The following CFAP53 variants were observed in gnomAD, a reference collection of about 807,000 sequenced individuals.
CFAP53 encodes the protein cilia- and flagella-associated protein 53.
A neutral mutation model predicts 59.7 loss-of-function variants in CFAP53; 62 were observed. That is an observed-to-expected ratio of 1.04 (90% CI 0.85 to 1.28). CFAP53 has a LOEUF of 1.28. CFAP53 is among the 50% of genes most tolerant of loss of function. CFAP53 has a pLI of 0.00. For missense variants in CFAP53, 629 were observed against 615.6 expected, an observed-to-expected ratio of 1.02 and a Z score of -0.23; for synonymous variants, 218 against 205.7, an observed-to-expected ratio of 1.06 and a Z score of -0.51.
chr18:50,265,593 G>A (rs1378817014), intron 1 of CFAP53, among the ~76,000 whole-genome samples: 5 of 152,160 alleles, frequency 3.3e-5, no homozygotes, highest in Non-Finnish European at 5.9e-5. Flanking sequence ...ACAATACTGC[G>A]CACACAGCAG....
chr18:50,227,263 T>C lies in CFAP53; in HGVS notation c.*118A>G, dbSNP rs1457072266. 1 of 764,244 alleles carries C rather than the reference T, an allele frequency of 1.3e-6. No homozygotes were observed. The highest frequency in any genetic ancestry group is 2.1e-6 in the Non-Finnish European group (1 of 479,398). The allele number at this position is 764,244 out of a possible 1,614,324, so 47.3% of individuals were successfully genotyped here. On this transcript the variant is annotated 3_prime_UTR_variant, in exon 8 of 8. Coordinates refer to ENST00000398545, the MANE Select transcript of CFAP53 (RefSeq NM_145020.5). ...TCAAAGGAAGAAAATTATGTTCAATTAATTACACAAACTCAGGGAAAAAAG... is the reference window on the plus strand; with the variant it reads ...TCAAAGGAAGAAAATTATGTTCAATCAATTACACAAACTCAGGGAAAAAAG...
intron 7 of CFAP53, among the ~76,000 whole-genome samples, chr18:50,235,101 A>G (rs2033619958): frequency 6.6e-6 from 1 of 152,154 alleles, no homozygotes; most frequent in African/African-American, 2.4e-5. Flanking sequence ...TTGCTCTTAC[A>G]TCAATACCTC....
chr18:50,245,354 A>G (rs2033733773), intron 5 of CFAP53, among the ~76,000 whole-genome samples: 1 of 144,360 alleles, frequency 6.9e-6, no homozygotes, highest in Non-Finnish European at 1.5e-5. Context: ...TGCAGTCCGC[A>G]GTCCGGCCTG....
At chr18:50,231,470 C>G (rs975378961) in intron 7 of CFAP53, among the ~76,000 whole-genome samples, 1 of 152,198 alleles carries the variant, frequency 6.6e-6, no homozygotes, top group African/African-American at 2.4e-5. Flanking sequence ...CAGTATCTAC[C>G]CAGAGAGACA....
At position 50,262,007 on chromosome 18, in the gene CFAP53, A is replaced by G; in HGVS notation, c.282T>C (p.Ile94=). The G allele has an allele frequency of 1.2e-6, 2 of 1,607,572 alleles. No individual in the cohort carries two copies. The highest frequency in any genetic ancestry group is 1.7e-6 in the Non-Finnish European group (2 of 1,174,264). The change falls in exon 2 of 8, where the codon ATT becomes ATC. Residue 94 remains isoleucine (I), a synonymous_variant. Transcript: ENST00000398545. ...KDAVQGFIIN[I]EERRNKLREL... The stretch of plus-strand genomic sequence containing the variant: ...AGCCTTACTTATTTCGTCTTTCTTC[A>G]ATGTTAATGATAAACCCTTGCACAG...
chr18:50,231,332 C>A (rs1599112161), intron 7 of CFAP53, among the ~76,000 whole-genome samples: 1 of 152,194 alleles, frequency 6.6e-6, no homozygotes, highest in East Asian at 1.9e-4. Flanking sequence ...AATTCTTTTA[C>A]CCCTGCACCA....
chr18:50,247,252 G>A (rs1054485637), intron 5 of CFAP53, among the ~76,000 whole-genome samples: 6 of 152,072 alleles, frequency 3.9e-5, no homozygotes, highest in African/African-American at 1.4e-4. Context: ...AAACCATAAT[G>A]AGATACCAAT....
At chr18:50,241,533 C>G (rs1446941050) in intron 6 of CFAP53, among the ~76,000 whole-genome samples, 1 of 152,094 alleles carries the variant, frequency 6.6e-6, no homozygotes, top group African/African-American at 2.4e-5. Context: ...CAACGTAGGT[C>G]CTTTCTATTT....
intron 7 of CFAP53, among the ~76,000 whole-genome samples, chr18:50,235,209 G>T (rs2033621488): frequency 6.6e-6 from 1 of 152,218 alleles, no homozygotes; most frequent in African/African-American, 2.4e-5. Context: ...TTCTGGCACA[G>T]CTATTTCAAA....
intron 6 of CFAP53, among the ~76,000 whole-genome samples, chr18:50,241,514 C>A (rs1599118627): frequency 6.6e-6 from 1 of 152,208 alleles, no homozygotes; most frequent in East Asian, 1.9e-4. Context: ...GAACCAGCCC[C>A]CAATATTTCA....
At chr18:50,255,357 G>C (rs189690744) in intron 3 of CFAP53, among the ~76,000 whole-genome samples, 1 of 152,246 alleles carries the variant, frequency 6.6e-6, no homozygotes, top group East Asian at 1.9e-4. Flanking sequence ...GAATAGTTCT[G>C]TATCTTGATT....
At chr18:50,235,440 G>A (rs983935224) in intron 7 of CFAP53, among the ~76,000 whole-genome samples, 10 of 152,038 alleles carry the variant, frequency 6.6e-5, no homozygotes, top group South Asian at 2.1e-4. Flanking sequence ...GGTGGCATGC[G>A]CCTGTAACCC....
In CFAP53 at chr18:50,242,951, G is replaced by A; in HGVS notation, c.1162C>T (p.Gln388Ter). 3 of 1,613,988 alleles carry A rather than the reference G, an allele frequency of 1.9e-6. No individual in the cohort carries two copies. The highest frequency in any genetic ancestry group is 2.2e-5 in the South Asian group (2 of 91,078). Residue 388 changes from glutamine (Q) to a stop codon, truncating the protein, a stop_gained, in exon 6 of 8, where the codon CAG becomes TAG. Coordinates refer to ENST00000398545, the MANE Select transcript of CFAP53 (RefSeq NM_145020.5). LOFTEE classifies it high-confidence loss of function. Reference sequence around the variant, plus strand: ...GTACACATGACCTCATCCACAAGCTGTCTCCTTGCCTCCTTTTCAAGTCTC... The same window carrying A: ...GTACACATGACCTCATCCACAAGCTATCTCCTTGCCTCCTTTTCAAGTCTC... ...ELRLEKEARR[Q>*]LVDEVMCTRK...
chr18:50,234,163 C>A (rs1000663241), intron 7 of CFAP53, among the ~76,000 whole-genome samples: 2 of 152,190 alleles, frequency 1.3e-5, no homozygotes, highest in African/African-American at 4.8e-5. Flanking sequence ...ACAACAATGA[C>A]AAGTTCACTG....
At chr18:50,265,315 C>T (rs945390516) in intron 1 of CFAP53, among the ~76,000 whole-genome samples, 11 of 152,170 alleles carry the variant, frequency 7.2e-5, no homozygotes, top group African/African-American at 2.7e-4. Flanking sequence ...ATTTATTCAG[C>T]ATCCCCAAGG....
intron 1 of CFAP53, 126 bp downstream of exon 1, chr18:50,266,210 C>G (rs1421773785): frequency 3.7e-6 from 3 of 820,064 alleles, no homozygotes; most frequent in Non-Finnish European, 6.2e-6. Context: ...ATTCAACCCA[C>G]TGCATCAGGC....
chr18:50,228,778 T>A (rs972725085), intron 7 of CFAP53, among the ~76,000 whole-genome samples: 1 of 148,638 alleles, frequency 6.7e-6, no homozygotes, highest in Admixed American at 6.7e-5. Flanking sequence ...GTAACAAGAG[T>A]CAAACTCCAT....
chr18:50,241,921 G>A (rs1162650824), intron 6 of CFAP53, among the ~76,000 whole-genome samples: 1 of 152,136 alleles, frequency 6.6e-6, no homozygotes, highest in Non-Finnish European at 1.5e-5. Flanking sequence ...TAGTAAGCCT[G>A]AGGGTACTGC....
chr18:50,240,315 T>C (rs1311248128), intron 6 of CFAP53, among the ~76,000 whole-genome samples: 2 of 152,210 alleles, frequency 1.3e-5, no homozygotes, highest in African/African-American at 2.4e-5. Context: ...TCTGATTACC[T>C]GCTCCACCCT....
Sources: allele counts gnomAD v4.1 joint callset (sites outside exome capture counted in the v4.1 genomes callset), GRCh38; gene constraint gnomAD v4.1.1; transcripts MANE v1.5; gene names NCBI Gene and HGNC (gene_info 2026-07-23, HGNC 2026-07-21).